The following RTN4IP1 variants were observed in gnomAD, a reference collection of about 807,000 sequenced individuals.
RTN4IP1 encodes reticulon 4 interacting protein 1, also known as NAD(P)H oxidoreductase RTN4IP1, mitochondrial.
RTN4IP1 carries 32 observed loss-of-function variants against 46.6 expected under a neutral mutation model. That is an observed-to-expected ratio of 0.69 (90% CI 0.52 to 0.92). The LOEUF (loss-of-function observed/expected upper bound fraction) is 0.92, where lower values mean the gene tolerates loss of function less well. RTN4IP1 is among the 40% of genes least tolerant of loss of function. RTN4IP1 has a pLI of 0.00. For synonymous variants in RTN4IP1, 167 were observed against 161.8 expected (o/e 1.03, Z -0.24); for missense variants, 424 against 485.8 (o/e 0.87, Z 1.20).
rs1775073018 is a variant in RTN4IP1 at position 106,571,892 on chromosome 6, A to C, written c.*104T>G. 1.4e-6 allele frequency: 1 copy of C among 704,424 alleles called. No homozygotes were observed. The highest frequency in any genetic ancestry group is 2.5e-5 in the Admixed American group (1 of 40,482). The allele number at this position is 704,424 out of a possible 1,614,324, so 43.6% of individuals were successfully genotyped here. A position where few individuals can be genotyped will look rare whatever the true frequency, so the allele number is the denominator to read the frequency against. ...TTAAAGCTTGTATCATGGAATGTATAATCTAATCTGGAAAAATGTTTGAAA... is the reference window on the plus strand; with the variant it reads ...TTAAAGCTTGTATCATGGAATGTATCATCTAATCTGGAAAAATGTTTGAAA... On this transcript the variant is annotated 3_prime_UTR_variant, in exon 9 of 9. Transcript: ENST00000369063.
intron 1 of RTN4IP1, 38 bp downstream of exon 1, chr6:106,628,710 T>G: frequency 1.3e-6 from 2 of 1,564,638 alleles, no homozygotes; most frequent in Non-Finnish European, 1.7e-6. Flanking sequence ...TGAAAGTGAT[T>G]TTTTTAAAAA....
chr6:106,619,705 G>A lies in RTN4IP1; in HGVS notation c.496-379C>T, dbSNP rs192576211. Among the ~76,000 whole-genome samples, 540 of 144,106 alleles carry A rather than the reference G, an allele frequency of 3.7e-3. 7 individuals are homozygous for A. The highest frequency in any genetic ancestry group is 0.013 in the African/African-American group (506 of 38,476). 94.5% of individuals were successfully genotyped at this position (144,106 alleles called of 152,430 possible). A position where few individuals can be genotyped will look rare whatever the true frequency, so the allele number is the denominator to read the frequency against. On this transcript the variant is annotated intron_variant, in intron 3 of 8. Coordinates refer to ENST00000369063, the MANE Select transcript of RTN4IP1 (RefSeq NM_032730.5). ...CGGCTCACTGCAAGCTCCGCCTCCC[G>A]GGTTCACACCATTCTCCTGCCTCAG... is the stretch of plus-strand genomic sequence containing the variant.
chr6:106,581,736 G>A (rs1775376826), intron 8 of RTN4IP1, among the ~76,000 whole-genome samples: 1 of 152,172 alleles, frequency 6.6e-6, no homozygotes, highest in Non-Finnish European at 1.5e-5. Flanking sequence ...AATGTAATAG[G>A]TAGATATATA....
In RTN4IP1 at chr6:106,609,869, C is replaced by A. The variant is rs559963450; in HGVS notation, c.621-6947G>T. ...AGCAAGAGTGGTTCTGCAATAGCAG[C>A]TTCAATTCTTTGTGTTGCCACCTGA... is the stretch of plus-strand genomic sequence containing the variant. On this transcript the variant is annotated intron_variant, in intron 4 of 8. Coordinates refer to ENST00000369063, the MANE Select transcript of RTN4IP1 (RefSeq NM_032730.5). Among the ~76,000 whole-genome samples the A allele has an allele frequency of 1.4e-4, 22 of 152,272 alleles. No homozygotes were observed. In the East Asian group the frequency reaches 4.2e-3, roughly 29 times the overall value.
At chr6:106,576,789 T>C (rs1304796152) in intron 8 of RTN4IP1, among the ~76,000 whole-genome samples, 2 of 152,224 alleles carry the variant, frequency 1.3e-5, no homozygotes, top group African/African-American at 4.8e-5. Context: ...AGTGGCTTAG[T>C]GGCCACCAAG....
At chr6:106,581,423 T>G (rs1775367529) in intron 8 of RTN4IP1, among the ~76,000 whole-genome samples, 1 of 152,248 alleles carries the variant, frequency 6.6e-6, no homozygotes, top group South Asian at 2.1e-4. Context: ...AAGTAAGATC[T>G]GCTGTGTCAT....
chr6:106,614,202 C>T (rs1043696969), intron 4 of RTN4IP1, among the ~76,000 whole-genome samples: 3 of 152,186 alleles, frequency 2.0e-5, no homozygotes, highest in African/African-American at 7.2e-5. Flanking sequence ...ACTTGGAAGA[C>T]ATTGTTCCAA....
chr6:106,629,228 T>A lies in RTN4IP1; in HGVS notation c.-207A>T. 1 of 589,092 alleles carries A rather than the reference T, an allele frequency of 1.7e-6. No homozygotes were observed. Among genetic ancestry groups the A allele is most frequent in the Non-Finnish European group, 3.0e-6 (1 of 333,254 alleles). The allele number at this position is 589,092 out of a possible 1,614,324, so 36.5% of individuals were successfully genotyped here. A position where few individuals can be genotyped will look rare whatever the true frequency, so the allele number is the denominator to read the frequency against. ...GTTATTCCGCTCTTCGCATATGAAA[T>A]GCTCGAATTAACGTTCCAGTCAGTA... is the stretch of plus-strand genomic sequence containing the variant. On this transcript the variant is annotated 5_prime_UTR_variant, in exon 1 of 9. Coordinates refer to ENST00000369063, the MANE Select transcript of RTN4IP1 (RefSeq NM_032730.5).
chr6:106,624,998 TA>T, intron 1 of RTN4IP1, among the ~76,000 whole-genome samples: 1 of 151,584 alleles, frequency 6.6e-6, no homozygotes, highest in South Asian at 2.1e-4. Context: ...AAATATCAGC[TA>T]AATAAAACTG....
Position 106,573,429 on chromosome 6 carries a change from G to T in RTN4IP1, c.1084-1326C>A, listed in dbSNP as rs145110056. 3.3e-5 allele frequency among the ~76,000 whole-genome samples: 5 copies of T among 152,302 alleles called. No individual in the cohort carries two copies. In the East Asian group the frequency reaches 9.6e-4, roughly 29 times the overall value. ...GAATTTCACAGCCAAGCCACCAGAAGAGCATCTTAGACTCCAAAAGTTCCC... is the reference window on the plus strand; with the variant it reads ...GAATTTCACAGCCAAGCCACCAGAATAGCATCTTAGACTCCAAAAGTTCCC... On this transcript the variant is annotated intron_variant, in intron 8 of 8. Transcript: ENST00000369063.
chr6:106,602,370 G>A (rs1490288538), intron 5 of RTN4IP1, among the ~76,000 whole-genome samples: 1 of 152,070 alleles, frequency 6.6e-6, no homozygotes, highest in Non-Finnish European at 1.5e-5. Flanking sequence ...TTTGGCTACT[G>A]TATTTCTATA....
chr6:106,574,950 C>T (rs1775187996), intron 8 of RTN4IP1, among the ~76,000 whole-genome samples: 1 of 152,144 alleles, frequency 6.6e-6, no homozygotes, highest in Non-Finnish European at 1.5e-5. Flanking sequence ...AGTCATTCAG[C>T]AATTCCCGTA....
At chr6:106,608,801 G>T (rs944647473) in intron 4 of RTN4IP1, among the ~76,000 whole-genome samples, 1 of 152,130 alleles carries the variant, frequency 6.6e-6, no homozygotes, top group African/African-American at 2.4e-5. Flanking sequence ...TATGAAAAGT[G>T]CTTCAAAAAT....
intron 1 of RTN4IP1, among the ~76,000 whole-genome samples, chr6:106,625,607 G>A (rs189743954): frequency 6.6e-6 from 1 of 151,800 alleles, no homozygotes; most frequent in South Asian, 2.1e-4. Flanking sequence ...GCAGTAGCTC[G>A]AAGTGGGAAC....
chr6:106,614,978 C>T (rs1488997720), intron 4 of RTN4IP1, among the ~76,000 whole-genome samples: 1 of 148,096 alleles, frequency 6.8e-6, no homozygotes, highest in Non-Finnish European at 1.5e-5. Context: ...CCCAGGACTC[C>T]CTGGAAAATA....
intron 4 of RTN4IP1, among the ~76,000 whole-genome samples, chr6:106,612,692 T>C (rs75570772): frequency 2.0e-4 from 1 of 4,936 alleles, no homozygotes; most frequent in Non-Finnish European, 3.1e-3. Flanking sequence ...TCACCTGCTC[T>C]ACCCTAACTC....
rs183551637 is a variant in RTN4IP1 at position 106,594,527 on chromosome 6, A to G, written c.670-2227T>C. 3.5e-3 allele frequency among the ~76,000 whole-genome samples: 527 copies of G among 152,032 alleles called. 4 individuals carry two copies. Among genetic ancestry groups the G allele is most frequent in the African/African-American group, 0.012 (505 of 41,470 alleles). On this transcript the variant is annotated intron_variant, in intron 5 of 8. Transcript: ENST00000369063. ...TCTGTCTCAAAAAACAAAAAACAAA[A>G]AAAGAAAGAAAGAAAGAAAACAGCT...
intron 4 of RTN4IP1, among the ~76,000 whole-genome samples, chr6:106,603,509 G>C (rs1775994557): frequency 6.6e-6 from 1 of 152,068 alleles, no homozygotes. Flanking sequence ...CAATAGCCTT[G>C]AAGACCAGGG....
chr6:106,627,024 T>C (rs1240826615), intron 1 of RTN4IP1, among the ~76,000 whole-genome samples: 6 of 152,168 alleles, frequency 3.9e-5, no homozygotes, highest in Non-Finnish European at 5.9e-5. Context: ...CTTGCTTTCT[T>C]GCCAAGGGAA....
Sources: allele counts gnomAD v4.1 joint callset (sites outside exome capture counted in the v4.1 genomes callset), GRCh38; gene constraint gnomAD v4.1.1; transcripts MANE v1.5; gene names NCBI Gene and HGNC (gene_info 2026-07-23, HGNC 2026-07-21).